The following ELP4 variants were observed in gnomAD, a reference collection of about 807,000 sequenced individuals.
ELP4 encodes the protein elongator acetyltransferase complex subunit 4.
In ELP4, 51 loss-of-function variants were observed where a neutral mutation model predicts 48.9. That is an observed-to-expected ratio of 1.04 (90% CI 0.83 to 1.32). ELP4 has a LOEUF of 1.32. Ranked by LOEUF, ELP4 falls within the 40% of genes most tolerant of loss-of-function variation. The pLI, the probability that ELP4 is intolerant of heterozygous loss-of-function variation, is 0.00. For missense variants in ELP4, 519 were observed against 514.6 expected, an observed-to-expected ratio of 1.01 and a Z score of -0.08; for synonymous variants, 210 against 189.2, an observed-to-expected ratio of 1.11 and a Z score of -0.90.
intron 5 of ELP4, 25 bp downstream of exon 5, chr11:31,603,932 C>T: frequency 6.3e-7 from 1 of 1,593,696 alleles, no homozygotes; most frequent in Admixed American, 1.7e-5. Context: ...CATTTAATAA[C>T]AAAATCTGAT....
At chr11:31,753,719 A>G (rs1391832820) in intron 9 of ELP4, among the ~76,000 whole-genome samples, 1 of 152,224 alleles carries the variant, frequency 6.6e-6, no homozygotes, top group Non-Finnish European at 1.5e-5. Context: ...AAACAGAAAA[A>G]TATGAGATAA....
chr11:31,715,598 G>A (rs1325945565), intron 9 of ELP4, among the ~76,000 whole-genome samples: 3 of 152,162 alleles, frequency 2.0e-5, no homozygotes, highest in African/African-American at 7.2e-5. Context: ...CAACAAGCAA[G>A]TATGAGACAT....
chr11:31,536,115 G>A (rs117984904), intron 2 of ELP4, among the ~76,000 whole-genome samples: 204 of 152,126 alleles, frequency 1.3e-3, no homozygotes, highest in Non-Finnish European at 2.1e-3. Context: ...TTGCTGAGTA[G>A]TAATCCATTT....
intron 9 of ELP4, among the ~76,000 whole-genome samples, chr11:31,718,376 TA>T: frequency 6.6e-6 from 1 of 152,182 alleles, no homozygotes; most frequent in African/African-American, 2.4e-5. Context: ...GAATGAGGAG[TA>T]AAAAAGGGCT....
At position 31,634,783 on chromosome 11, in the gene ELP4, A is replaced by G. The variant is rs12280985; in HGVS notation, c.927+2378A>G. Among the ~76,000 whole-genome samples the G allele has an allele frequency of 3.6e-3, 548 of 152,180 alleles. 7 individuals carry two copies. Among genetic ancestry groups the G allele is most frequent in the African/African-American group, 0.013 (525 of 41,566 alleles). ...TGCTTCTTAACATAGCAGTAAAGAG[A>G]CTTCTTTGAAATAGACATAGCAAAA... On this transcript the variant is annotated intron_variant, in intron 7 of 9. Coordinates refer to ENST00000640961, the MANE Select transcript of ELP4 (RefSeq NM_019040.5).
At chr11:31,672,710 G>C (rs960678317) in intron 9 of ELP4, among the ~76,000 whole-genome samples, 1 of 152,110 alleles carries the variant, frequency 6.6e-6, no homozygotes, top group African/African-American at 2.4e-5. Context: ...GATCACCTGA[G>C]CCCGGGAGGT....
chr11:31,744,372 A>C (rs575027311), intron 9 of ELP4, among the ~76,000 whole-genome samples: 1 of 152,210 alleles, frequency 6.6e-6, no homozygotes, highest in African/African-American at 2.4e-5. Context: ...AAAAGAGAGA[A>C]TCCTCCCTAA....
chr11:31,694,590 G>A (rs1946358532), intron 9 of ELP4, among the ~76,000 whole-genome samples: 1 of 152,146 alleles, frequency 6.6e-6, no homozygotes, highest in Admixed American at 6.5e-5. Context: ...TTGAAGTCAG[G>A]CTGCGATATG....
chr11:31,776,107 C>T (rs1361478160), intron 9 of ELP4, among the ~76,000 whole-genome samples: 2 of 145,690 alleles, frequency 1.4e-5, no homozygotes, highest in East Asian at 2.0e-4. Context: ...GCTGTGATTG[C>T]GCCAGTGTAC....
chr11:31,673,598 G>T (rs986498667), intron 9 of ELP4, among the ~76,000 whole-genome samples: 1 of 152,048 alleles, frequency 6.6e-6, no homozygotes, highest in Non-Finnish European at 1.5e-5. Context: ...CAAAATGTTG[G>T]GATTACAGGC....
At chr11:31,675,118 T>C (rs1053585120) in intron 9 of ELP4, among the ~76,000 whole-genome samples, 11 of 152,198 alleles carry the variant, frequency 7.2e-5, no homozygotes, top group African/African-American at 2.7e-4. Flanking sequence ...CCTTAGCATA[T>C]ACATTCTTAG....
intron 3 of ELP4, among the ~76,000 whole-genome samples, chr11:31,547,455 A>G (rs1956750961): frequency 6.6e-6 from 1 of 152,242 alleles, no homozygotes; most frequent in Non-Finnish European, 1.5e-5. Context: ...GAATCTCTGA[A>G]TAGACCAACA....
intron 9 of ELP4, among the ~76,000 whole-genome samples, chr11:31,691,951 T>C (rs1946290089): frequency 6.6e-6 from 1 of 152,194 alleles, no homozygotes; most frequent in South Asian, 2.1e-4. Context: ...AAAGAACTCA[T>C]AGATTTGGCC....
intron 9 of ELP4, among the ~76,000 whole-genome samples, chr11:31,735,483 G>C (rs1353453592): frequency 1.3e-5 from 2 of 152,198 alleles, no homozygotes; most frequent in Non-Finnish European, 2.9e-5. Flanking sequence ...AGGGCAATCA[G>C]GCAAGAGAAG....
chr11:31,557,368 AG>A (rs1956946906), intron 3 of ELP4, among the ~76,000 whole-genome samples: 2 of 152,146 alleles, frequency 1.3e-5, no homozygotes, highest in Non-Finnish European at 2.9e-5. Flanking sequence ...TAGTTGATGT[AG>A]AATTAGCTAA....
At chr11:31,663,076 A>T (rs1421859351) in intron 9 of ELP4, 1 of 152,140 alleles carries the variant, frequency 6.6e-6, no homozygotes, top group African/African-American at 2.4e-5. Context: ...ATGTTACCAG[A>T]TCGATAATAA....
At chr11:31,645,045 G>C (rs1042828430) in intron 7 of ELP4, among the ~76,000 whole-genome samples, 2 of 151,832 alleles carry the variant, frequency 1.3e-5, no homozygotes, top group Admixed American at 1.3e-4. Flanking sequence ...TGTGCAGAAA[G>C]CAGTAAGATC....
At chr11:31,567,250 G>C (rs139795093) in intron 3 of ELP4, among the ~76,000 whole-genome samples, 2 of 151,996 alleles carry the variant, frequency 1.3e-5, no homozygotes, top group African/African-American at 4.8e-5. Flanking sequence ...CTTCTTAAAG[G>C]TGATGCAATA....
intron 3 of ELP4, among the ~76,000 whole-genome samples, chr11:31,590,063 G>A (rs1441729731): frequency 6.6e-6 from 1 of 152,128 alleles, no homozygotes; most frequent in Admixed American, 6.6e-5. Context: ...CCTTGGACAA[G>A]TTACTTAACT....
Sources: allele counts gnomAD v4.1 joint callset (sites outside exome capture counted in the v4.1 genomes callset), GRCh38; gene constraint gnomAD v4.1.1; transcripts MANE v1.5; gene names NCBI Gene and HGNC (gene_info 2026-07-23, HGNC 2026-07-21).